The following TUSC3 variants were observed in gnomAD, a reference collection of about 807,000 sequenced individuals.
TUSC3 encodes dolichyl-diphosphooligosaccharide--protein glycosyltransferase subunit TUSC3.
A neutral mutation model predicts 44.8 loss-of-function variants in TUSC3; 45 were observed. The observed-to-expected ratio is 1.00, with a 90% CI of 0.79 to 1.29. The LOEUF (loss-of-function observed/expected upper bound fraction) is 1.29. TUSC3 is among the 50% of genes most tolerant of loss of function. The pLI, the probability that TUSC3 is intolerant of heterozygous loss-of-function variation, is 0.00. For missense variants in TUSC3, 519 were observed against 437.9 expected (o/e 1.19, Z -1.65); for synonymous variants, 212 against 152.9 (o/e 1.39, Z -2.85).
upstream of TUSC3, among the ~76,000 whole-genome samples, chr8:15,539,370 T>TG (rs1801594943): frequency 7.4e-6 from 1 of 135,092 alleles, no homozygotes; most frequent in African/African-American, 3.1e-5. Flanking sequence ...TTTTTTTTTT[T>TG]GAGACAGAGT....
intron 6 of TUSC3, 55 bp downstream of exon 6, chr8:15,673,891 G>T: frequency 7.0e-7 from 1 of 1,434,236 alleles, no homozygotes; most frequent in South Asian, 1.2e-5. Flanking sequence ...CTTAATTTAG[G>T]AATAAGAAAT....
chr8:15,735,460 T>C (rs1810889080), intron 7 of TUSC3, among the ~76,000 whole-genome samples: 1 of 152,164 alleles, frequency 6.6e-6, no homozygotes, highest in Admixed American at 6.5e-5. Context: ...AATTGGTTGA[T>C]GAGAAAGGGA....
intron 1 of TUSC3, among the ~76,000 whole-genome samples, chr8:15,556,623 G>T (rs901254357): frequency 2.7e-5 from 4 of 146,526 alleles, no homozygotes; most frequent in Non-Finnish European, 6.1e-5. Flanking sequence ...CCCACCAACA[G>T]TGTAAAAGTG....
intron 1 of TUSC3, among the ~76,000 whole-genome samples, chr8:15,468,953 A>C (rs1239561511): frequency 6.6e-6 from 1 of 151,582 alleles, no homozygotes; most frequent in Non-Finnish European, 1.5e-5. Context: ...AAAAATAATG[A>C]GGGAGGCAGA....
chr8:15,468,251 C>T (rs935541919), intron 1 of TUSC3, among the ~76,000 whole-genome samples: 2 of 152,140 alleles, frequency 1.3e-5, no homozygotes, highest in African/African-American at 4.8e-5. Flanking sequence ...ATCCCACAGA[C>T]AGCTGCTTAA....
At chr8:15,636,765 G>C (rs1806098123) in intron 2 of TUSC3, among the ~76,000 whole-genome samples, 1 of 152,184 alleles carries the variant, frequency 6.6e-6, no homozygotes, top group Non-Finnish European at 1.5e-5. Flanking sequence ...TCCAGTGGGA[G>C]ATTAACTTAT....
chr8:15,573,010 G>A (rs935537279), intron 1 of TUSC3, among the ~76,000 whole-genome samples: 3 of 152,030 alleles, frequency 2.0e-5, no homozygotes, highest in Admixed American at 2.0e-4. Flanking sequence ...CTGAGCACAT[G>A]CTGTGGGAAA....
chr8:15,660,701 A>C (rs562646178), intron 4 of TUSC3, among the ~76,000 whole-genome samples: 1 of 152,038 alleles, frequency 6.6e-6, no homozygotes, highest in African/African-American at 2.4e-5. Flanking sequence ...TTTGGTGACT[A>C]AACTTATTTC....
the TUSC3 span, among the ~76,000 whole-genome samples, chr8:15,836,476 CAAAA>C: frequency 1.5e-5 from 2 of 132,736 alleles, no homozygotes; most frequent in Admixed American, 7.6e-5. Flanking sequence ...GACTCCATCT[CAAAA>C]AAAAAAAAAA....
At chr8:15,470,092 C>CA (rs1346403244) in intron 1 of TUSC3, among the ~76,000 whole-genome samples, 7 of 139,462 alleles carry the variant, frequency 5.0e-5, no homozygotes, top group African/African-American at 1.6e-4. Context: ...CTCGTCCCTA[C>CA]AAAAAAAATT....
intron 1 of TUSC3, among the ~76,000 whole-genome samples, chr8:15,440,653 T>C (rs1003003028): frequency 6.6e-6 from 1 of 152,180 alleles, no homozygotes; most frequent in Admixed American, 6.5e-5. Flanking sequence ...TTTTCCTCTA[T>C]TTTAAACAAT....
the TUSC3 span, among the ~76,000 whole-genome samples, chr8:15,816,967 T>C: frequency 6.6e-6 from 1 of 152,202 alleles, no homozygotes; most frequent in Non-Finnish European, 1.5e-5. Context: ...TCCTTTATTT[T>C]GTTGCAGGAT....
intron 1 of TUSC3, among the ~76,000 whole-genome samples, chr8:15,445,493 C>A (rs972794478): frequency 1.3e-5 from 2 of 152,048 alleles, no homozygotes; most frequent in East Asian, 1.9e-4. Flanking sequence ...TCCCTGGGTA[C>A]TTGAGATTAG....
At position 15,492,686 on chromosome 8, in the gene TUSC3, C is replaced by T. The variant is rs193285334; in HGVS notation, n.189+9203C>T. Reference sequence around the variant, plus strand: ...GCACAGTGGCTCACACCTGTAATCCCAGCTCTTAGGGAGGCAGAGGTGGGA... The same window carrying T: ...GCACAGTGGCTCACACCTGTAATCCTAGCTCTTAGGGAGGCAGAGGTGGGA... On this transcript the variant is annotated intron_variant and non_coding_transcript_variant, in intron 2 of 5. Transcript: ENST00000503191. 4.9e-4 allele frequency among the ~76,000 whole-genome samples: 75 copies of T among 151,906 alleles called. 1 individual carries two copies. The highest frequency in any genetic ancestry group is 1.2e-3 in the South Asian group (6 of 4,808).
intron 1 of TUSC3, among the ~76,000 whole-genome samples, chr8:15,435,952 C>T (rs1024845188): frequency 3.3e-5 from 5 of 152,042 alleles, no homozygotes; most frequent in Admixed American, 6.6e-5. Flanking sequence ...GAAGCTTTGT[C>T]TGGGGAGTCT....
chr8:15,839,704 G>A, the TUSC3 span, among the ~76,000 whole-genome samples: 3 of 152,114 alleles, frequency 2.0e-5, no homozygotes, highest in African/African-American at 7.2e-5. Context: ...TTAGAATGGT[G>A]ATCATTAAAA....
chr8:15,831,357 C>T, the TUSC3 span, among the ~76,000 whole-genome samples: 1 of 152,250 alleles, frequency 6.6e-6, no homozygotes, highest in Non-Finnish European at 1.5e-5. Context: ...GAGAAAGAAC[C>T]ACTGCAAGAA....
At chr8:15,612,940 A>G (rs1804823542) in intron 1 of TUSC3, among the ~76,000 whole-genome samples, 2 of 151,982 alleles carry the variant, frequency 1.3e-5, no homozygotes, top group African/African-American at 4.8e-5. Flanking sequence ...AGGAGCCACA[A>G]TATCAGTTAA....
intron 6 of TUSC3, among the ~76,000 whole-genome samples, chr8:15,717,901 A>T (rs1810121535): frequency 6.6e-6 from 1 of 152,248 alleles, no homozygotes; most frequent in Non-Finnish European, 1.5e-5. Context: ...CAAAATACTT[A>T]AAAGAGAATG....
Sources: allele counts gnomAD v4.1 joint callset (sites outside exome capture counted in the v4.1 genomes callset), GRCh38; gene constraint gnomAD v4.1.1; transcripts MANE v1.5; gene names NCBI Gene and HGNC (gene_info 2026-07-23, HGNC 2026-07-21).